SLC22A23: variants seen among roughly 807,000 people sequenced by gnomAD.
SLC22A23 encodes ion transporter protein.
Under a neutral mutation model 61.0 loss-of-function variants are expected in SLC22A23, and 26 were observed. That is an observed-to-expected ratio of 0.43 (90% CI 0.31 to 0.59). SLC22A23 has a LOEUF of 0.59. Ranked by LOEUF, SLC22A23 falls within the 20% of genes least tolerant of loss-of-function variation. SLC22A23 has a pLI of 0.11. For synonymous variants in SLC22A23, 430 were observed against 413.9 expected (o/e 1.04, Z -0.47); for missense variants, 796 against 934.7 (o/e 0.85, Z 1.94).
intron 3 of SLC22A23, among the ~76,000 whole-genome samples, chr6:3,352,484 T>C (rs6909091): frequency 0.29 from 44,305 of 151,844 alleles, 6,725 homozygotes; most frequent in East Asian, 0.52. Flanking sequence ...CATACACACA[T>C]AGGCATACTT....
At chr6:3,406,886 GCCT>G (rs919163670) in intron 3 of SLC22A23, among the ~76,000 whole-genome samples, 2 of 152,032 alleles carry the variant, frequency 1.3e-5, no homozygotes, top group Non-Finnish European at 2.9e-5. Flanking sequence ...ACCTTCAGCA[GCCT>G]TGCAAATAAA....
intron 3 of SLC22A23, among the ~76,000 whole-genome samples, chr6:3,385,944 T>G (rs867846204): frequency 6.6e-6 from 1 of 152,152 alleles, no homozygotes; most frequent in South Asian, 2.1e-4. Flanking sequence ...AAAAAGAACA[T>G]CCACAGAATA....
intron 2 of SLC22A23, among the ~76,000 whole-genome samples, chr6:3,411,767 A>G (rs1189208054): frequency 6.6e-6 from 1 of 152,230 alleles, no homozygotes; most frequent in Admixed American, 6.5e-5. Context: ...ACTTTGGTTT[A>G]GTGAAACAAG....
At chr6:3,449,423 T>C (rs1424326858) in intron 1 of SLC22A23, among the ~76,000 whole-genome samples, 1 of 152,146 alleles carries the variant, frequency 6.6e-6, no homozygotes, top group Non-Finnish European at 1.5e-5. Flanking sequence ...TCCAGAAGGG[T>C]TAATTTACAT....
intron 5 of SLC22A23, chr6:3,290,815 C>T (rs1262072302): frequency 1.3e-5 from 2 of 152,348 alleles, no homozygotes; most frequent in African/African-American, 4.8e-5. Flanking sequence ...GCCTTCCTAG[C>T]CTGGCATGTC....
chr6:3,443,961 C>T (rs932258203), intron 1 of SLC22A23, among the ~76,000 whole-genome samples: 1 of 152,210 alleles, frequency 6.6e-6, no homozygotes, highest in African/African-American at 2.4e-5. Flanking sequence ...ACTTTGTGAT[C>T]TCAGATCCCA....
At chr6:3,394,075 TGA>T (rs1767848747) in intron 3 of SLC22A23, among the ~76,000 whole-genome samples, 1 of 152,212 alleles carries the variant, frequency 6.6e-6, no homozygotes. Context: ...GATCCGGCAG[TGA>T]CCCCACTAAA....
intron 4 of SLC22A23, among the ~76,000 whole-genome samples, chr6:3,320,096 A>G (rs1397705568): frequency 6.6e-6 from 1 of 152,174 alleles, no homozygotes; most frequent in Admixed American, 6.5e-5. Context: ...GCCCCCGGGC[A>G]GGTGTTGAAA....
Position 3,386,204 on chromosome 6 carries a change from C to A in SLC22A23, c.913+23984G>T, listed in dbSNP as rs955716218. Among the ~76,000 whole-genome samples, 1 of 152,094 alleles carries A rather than the reference C, an allele frequency of 6.6e-6. No individual in the cohort carries two copies. The highest frequency in any genetic ancestry group is 1.5e-5 in the Non-Finnish European group (1 of 68,022). On this transcript the variant is annotated intron_variant, in intron 3 of 9. Coordinates refer to ENST00000406686, the MANE Select transcript of SLC22A23 (RefSeq NM_015482.2). This position sits in a 1 kb window ranked among gnomAD's most constrained non-coding sequence, Gnocchi z 4.4. The stretch of plus-strand genomic sequence containing the variant: ...GATCTGGGTTGACATTAGCTGGGAG[C>A]ATCACAGGGAAGCCAGTGTGCCCTG...
chr6:3,287,111 G>A lies in SLC22A23; in HGVS notation c.1314-20C>T, dbSNP rs577661046. On this transcript the variant is annotated intron_variant, in intron 6 of 9. Transcript: ENST00000406686. ...GTCAGCCTGTGGAGACATACCGAGCGGCAGTGGGTGGGCTGCCCCCATGCC... is the reference window on the plus strand; with the variant it reads ...GTCAGCCTGTGGAGACATACCGAGCAGCAGTGGGTGGGCTGCCCCCATGCC... 4.2e-5 allele frequency: 68 copies of A among 1,610,242 alleles called. No individual in the cohort carries two copies. In the South Asian group the frequency reaches 5.1e-4, roughly 12 times the overall value.
chr6:3,319,506 C>A (rs1762829133), intron 4 of SLC22A23, among the ~76,000 whole-genome samples: 1 of 152,306 alleles, frequency 6.6e-6, no homozygotes, highest in East Asian at 1.9e-4. Context: ...CTCTGCCCCA[C>A]AATGTGCTTT....
chr6:3,375,432 A>G (rs977773064), intron 3 of SLC22A23, among the ~76,000 whole-genome samples: 3 of 152,242 alleles, frequency 2.0e-5, no homozygotes, highest in Non-Finnish European at 4.4e-5. Flanking sequence ...TATTCAGCAC[A>G]GTTATGCGTC....
At chr6:3,321,230 A>G (rs2127395409) in intron 4 of SLC22A23, among the ~76,000 whole-genome samples, 1 of 152,364 alleles carries the variant, frequency 6.6e-6, no homozygotes, top group South Asian at 2.1e-4. Flanking sequence ...CTTTTTACAG[A>G]CATGAGACAA....
At chr6:3,397,005 G>A (rs962562234) in intron 3 of SLC22A23, among the ~76,000 whole-genome samples, 4 of 152,016 alleles carry the variant, frequency 2.6e-5, no homozygotes, top group East Asian at 1.9e-4. Flanking sequence ...AGAGCACCCC[G>A]TCACGCACGC....
rs373839475 is a variant in SLC22A23 at position 3,388,280 on chromosome 6, GAAATGCAATA to G, written c.913+21898_913+21907del. On this transcript the variant is annotated intron_variant, in intron 3 of 9. Transcript: ENST00000406686. The stretch of plus-strand genomic sequence containing the variant: ...ACATACTTCCTCATGGGGGAGGGCA[GAAATGCAATA>G]AAATGCAATAAAATGCAATAAACAG... Among the ~76,000 whole-genome samples the G allele has an allele frequency of 1.8e-3, 271 of 152,302 alleles. 3 individuals carry two copies. The highest frequency in any genetic ancestry group is 3.8e-3 in the African/African-American group (158 of 41,562).
At position 3,414,942 on chromosome 6, in the gene SLC22A23, G is replaced by C. The variant is rs1206368095; in HGVS notation, c.758+810C>G. 6.6e-6 allele frequency among the ~76,000 whole-genome samples: 1 copy of C among 152,130 alleles called. No homozygotes were observed. The highest frequency in any genetic ancestry group is 2.1e-4 in the South Asian group (1 of 4,826). On this transcript the variant is annotated intron_variant, in intron 2 of 9. Coordinates refer to ENST00000406686, the MANE Select transcript of SLC22A23 (RefSeq NM_015482.2). The surrounding 1 kb of genome is among the most constrained non-coding windows in gnomAD (Gnocchi z 5.1). The stretch of plus-strand genomic sequence containing the variant: ...ATCCTGGTGGAGGGGCAGGCTCTGA[G>C]GCCACGTGGTGGCTGAGTTTCAAGT...
At chr6:3,346,157 C>A (rs974545043) in intron 3 of SLC22A23, among the ~76,000 whole-genome samples, 2 of 152,160 alleles carry the variant, frequency 1.3e-5, no homozygotes, top group Non-Finnish European at 2.9e-5. Flanking sequence ...CCTGGACGTT[C>A]AAGGGCACAG....
chr6:3,284,031 G>A (rs1012044218), intron 8 of SLC22A23, 56 bp from the exon 9 acceptor site: 5 of 1,545,956 alleles, frequency 3.2e-6, no homozygotes, highest in Non-Finnish European at 8.8e-7. Flanking sequence ...GGCCAGGGTG[G>A]GAGGGAGGCC....
chr6:3,369,207 T>G (rs1766042482), intron 3 of SLC22A23, among the ~76,000 whole-genome samples: 1 of 152,160 alleles, frequency 6.6e-6, no homozygotes, highest in South Asian at 2.1e-4. Context: ...TGTGAATTCT[T>G]GTCCCCTGCT....
Sources: gnomAD v4.1 joint callset for allele counts (sites outside exome capture counted in the v4.1 genomes callset) on GRCh38, gnomAD v4.1.1 for gene constraint, Gnocchi (gnomAD v3.1) non-coding constraint, MANE v1.5 for transcripts, NCBI Gene and HGNC (gene_info 2026-07-23, HGNC 2026-07-21) for gene names.